Variants in CIMAP3 observed in about 807,000 individuals in gnomAD.
CIMAP3 encodes ciliary microtubule-associated protein 3.
the CIMAP3 span, among the ~76,000 whole-genome samples, chr1:111,342,228 T>C: frequency 2.0e-5 from 3 of 152,118 alleles, no homozygotes; most frequent in African/African-American, 4.8e-5. Flanking sequence ...GATTCCTCAA[T>C]GGAAACTATA....
the CIMAP3 span, among the ~76,000 whole-genome samples, chr1:111,327,447 G>A: frequency 6.6e-6 from 1 of 151,932 alleles, no homozygotes; most frequent in Admixed American, 6.6e-5. Context: ...GCTCTTCTTT[G>A]TACTTCTGGT....
chr1:111,352,345 A>C, the CIMAP3 span: 1 of 152,636 alleles, frequency 6.6e-6, no homozygotes, highest in Non-Finnish European at 1.5e-5. Flanking sequence ...TGGACACCAA[A>C]GATTGAGAAG....
chr1:111,335,389 G>T, the CIMAP3 span, among the ~76,000 whole-genome samples: 2 of 152,138 alleles, frequency 1.3e-5, no homozygotes, highest in African/African-American at 4.8e-5. Context: ...AGCTGAAGCA[G>T]GGCAAGGCAT....
chr1:111,337,999 T>G, the CIMAP3 span, among the ~76,000 whole-genome samples: 131 of 148,430 alleles, frequency 8.8e-4, no homozygotes, highest in African/African-American at 3.1e-3. Context: ...AAACTATCTC[T>G]CAGACCACAG....
At chr1:111,327,371 A>T in the CIMAP3 span, among the ~76,000 whole-genome samples, 1 of 151,996 alleles carries the variant, frequency 6.6e-6, no homozygotes, top group African/African-American at 2.4e-5. Flanking sequence ...GGCCTCATAG[A>T]ATGGGTTGGG....
At chr1:111,347,618 CTTTCTTT>C in the CIMAP3 span, 16 of 929,682 alleles carry the variant, frequency 1.7e-5, no homozygotes, top group African/African-American at 1.5e-4. Flanking sequence ...GTTGTTTTTT[CTTTCTTT>C]TTTTTTTTTT....
chr1:111,325,334 T>C, the CIMAP3 span, among the ~76,000 whole-genome samples: 1,207 of 152,336 alleles, frequency 7.9e-3, 16 homozygotes, highest in African/African-American at 0.027. Context: ...GGTCACATAG[T>C]TAGTCAATGA....
chr1:111,351,811 T>C, the CIMAP3 span: 1 of 152,570 alleles, frequency 6.6e-6, no homozygotes, highest in Non-Finnish European at 1.5e-5. Flanking sequence ...GGTCTTGATT[T>C]GGTTGACTTT....
the CIMAP3 span, among the ~76,000 whole-genome samples, chr1:111,328,437 T>C: frequency 6.6e-6 from 1 of 152,246 alleles, no homozygotes; most frequent in African/African-American, 2.4e-5. Flanking sequence ...TGTCTAATAC[T>C]GTCAGTGGAC....
chr1:111,331,457 T>G, the CIMAP3 span, among the ~76,000 whole-genome samples: 1 of 152,218 alleles, frequency 6.6e-6, no homozygotes, highest in South Asian at 2.1e-4. Flanking sequence ...CAGAAATTGT[T>G]TCTTCTACTT....
chr1:111,339,975 C>T, the CIMAP3 span, among the ~76,000 whole-genome samples: 1 of 151,642 alleles, frequency 6.6e-6, no homozygotes, highest in African/African-American at 2.4e-5. Context: ...GCTCCAGTAA[C>T]CAAAACAGCA....
the CIMAP3 span, chr1:111,351,201 A>G: frequency 8.4e-7 from 1 of 1,190,944 alleles, no homozygotes. Context: ...AACTGGGAAG[A>G]CCAGAGGCAG....
chr1:111,328,332 T>G, the CIMAP3 span, among the ~76,000 whole-genome samples: 11 of 152,182 alleles, frequency 7.2e-5, no homozygotes, highest in Non-Finnish European at 1.5e-4. Context: ...CTGTTGTTTT[T>G]AGATAGAGAG....
At chr1:111,324,703 G>A in the CIMAP3 span, 1 of 985,328 alleles carries the variant, frequency 1.0e-6, no homozygotes, top group Non-Finnish European at 1.2e-6. Context: ...CCCCATGTGA[G>A]AGTGGCAACT....
the CIMAP3 span, among the ~76,000 whole-genome samples, chr1:111,332,340 G>A: frequency 6.6e-6 from 1 of 152,214 alleles, no homozygotes. Context: ...GGCCATGTTT[G>A]TCATATGTAG....
chr1:111,348,513 C>G, the CIMAP3 span: 1 of 1,593,824 alleles, frequency 6.3e-7, no homozygotes, highest in Non-Finnish European at 8.5e-7. Context: ...TTCTTGGAAA[C>G]AGGAAATGAC....
chr1:111,332,502 A>G, the CIMAP3 span, among the ~76,000 whole-genome samples: 1 of 152,072 alleles, frequency 6.6e-6, no homozygotes, highest in African/African-American at 2.4e-5. Context: ...ATTTCTGCAG[A>G]CAGTAGACCA....
At chr1:111,324,818 T>C in the CIMAP3 span, 2 of 985,178 alleles carry the variant, frequency 2.0e-6, no homozygotes. Flanking sequence ...CTATCTTCTC[T>C]ACCTGGGAGC....
At chr1:111,331,095 CT>C in the CIMAP3 span, among the ~76,000 whole-genome samples, 1 of 152,186 alleles carries the variant, frequency 6.6e-6, no homozygotes, top group Admixed American at 6.5e-5. Flanking sequence ...ATAGACATTC[CT>C]TTGTGTGTGA....
Sources: allele counts gnomAD v4.1 joint callset (sites outside exome capture counted in the v4.1 genomes callset), GRCh38; gene constraint gnomAD v4.1.1; transcripts MANE v1.5; gene names NCBI Gene and HGNC (gene_info 2026-07-23, HGNC 2026-07-21).